The following ENTHD1 variants were observed in gnomAD, a reference collection of about 807,000 sequenced individuals.
ENTHD1 encodes ENTH domain containing 1, also known as ENTH domain-containing protein 1.
Under a neutral mutation model 39.1 loss-of-function variants are expected in ENTHD1, and 23 were observed. The ratio of observed to expected loss-of-function variants is 0.59; its 90% CI spans 0.42 to 0.83. The LOEUF is 0.83. Among genes scored for constraint, ENTHD1 ranks in the 40% least tolerant of loss-of-function variants. The probability of loss-of-function intolerance (pLI) is 0.00; values close to 1 mark genes in which losing one functional copy is unlikely to be tolerated. For synonymous variants in ENTHD1, 230 were observed against 258.2 expected (o/e 0.89, Z 1.05); for missense variants, 624 against 705.4 (o/e 0.88, Z 1.31).
At chr22:39,872,470 A>G (rs551701510) in intron 2 of ENTHD1, among the ~76,000 whole-genome samples, 2 of 152,232 alleles carry the variant, frequency 1.3e-5, no homozygotes, top group South Asian at 2.1e-4. Context: ...CTCTCTTTCT[A>G]TGAGAATCTA....
intron 6 of ENTHD1, among the ~76,000 whole-genome samples, chr22:39,753,799 C>CA (rs2065164592): frequency 6.6e-6 from 1 of 152,178 alleles, no homozygotes; most frequent in African/African-American, 2.4e-5. Context: ...TCACTCAGTA[C>CA]TGCCCTCCTC....
At chr22:39,779,159 A>G (rs962858777) in intron 5 of ENTHD1, among the ~76,000 whole-genome samples, 18 of 151,914 alleles carry the variant, frequency 1.2e-4, no homozygotes, top group African/African-American at 2.7e-4. Flanking sequence ...TCTACTAAAA[A>G]CACAAAAATT....
At chr22:39,760,643 T>G (rs950341867) in intron 6 of ENTHD1, among the ~76,000 whole-genome samples, 3 of 152,070 alleles carry the variant, frequency 2.0e-5, no homozygotes, top group Non-Finnish European at 4.4e-5. Context: ...ATGCTTGGAT[T>G]TAGGTCTTCT....
intron 5 of ENTHD1, among the ~76,000 whole-genome samples, chr22:39,790,748 G>A (rs2065497420): frequency 6.6e-6 from 1 of 152,184 alleles, no homozygotes; most frequent in Non-Finnish European, 1.5e-5. Flanking sequence ...AGTTCTTGGT[G>A]TCTCCAATTC....
chr22:39,850,937 T>C, intron 3 of ENTHD1, among the ~76,000 whole-genome samples: 1 of 152,216 alleles, frequency 6.6e-6, no homozygotes, highest in East Asian at 1.9e-4. Flanking sequence ...GTTTACCATT[T>C]ATTCATTATT....
intron 2 of ENTHD1, among the ~76,000 whole-genome samples, chr22:39,865,017 A>G (rs1313852925): frequency 6.6e-6 from 1 of 152,240 alleles, no homozygotes; most frequent in Non-Finnish European, 1.5e-5. Context: ...AAGTCAATTT[A>G]CAACTTAGCT....
chr22:39,818,972 C>T (rs2065755932), intron 5 of ENTHD1, among the ~76,000 whole-genome samples: 1 of 152,210 alleles, frequency 6.6e-6, no homozygotes, highest in African/African-American at 2.4e-5. Context: ...AGATATCCTT[C>T]AGTAGGTGAA....
At chr22:39,747,145 G>A (rs1378579729) in intron 6 of ENTHD1, among the ~76,000 whole-genome samples, 2 of 152,016 alleles carry the variant, frequency 1.3e-5, no homozygotes, top group Non-Finnish European at 2.9e-5. Flanking sequence ...GGCCACCAAT[G>A]CCTGGCTCTT....
chr22:39,769,363 A>G (rs932421132), intron 5 of ENTHD1, among the ~76,000 whole-genome samples: 2 of 152,234 alleles, frequency 1.3e-5, no homozygotes, highest in Admixed American at 1.3e-4. Context: ...GACAAAAGTC[A>G]ATAAAGAGTA....
chr22:39,851,467 C>G (rs1022195016), intron 3 of ENTHD1, among the ~76,000 whole-genome samples: 1 of 152,166 alleles, frequency 6.6e-6, no homozygotes, highest in Non-Finnish European at 1.5e-5. Context: ...AATATCTACA[C>G]TCTTTGGGGG....
chr22:39,812,002 A>T (rs2065690926), intron 5 of ENTHD1, among the ~76,000 whole-genome samples: 1 of 25,560 alleles, frequency 3.9e-5, no homozygotes, highest in Non-Finnish European at 7.0e-5. Context: ...ACAAAAACAA[A>T]CAAACAAACA....
chr22:39,840,451 C>T lies in ENTHD1; in HGVS notation c.593-4493G>A, dbSNP rs147055793. 3.3e-5 allele frequency among the ~76,000 whole-genome samples: 5 copies of T among 152,246 alleles called. No homozygotes were observed. In the East Asian group the frequency reaches 7.7e-4, roughly 24 times the overall value. On this transcript the variant is annotated intron_variant, in intron 3 of 6. Coordinates refer to ENST00000325157, the MANE Select transcript of ENTHD1 (RefSeq NM_152512.4). ...CAAATTATCAGGCATTAGCAATGCA[C>T]CATACATTTTGGAAATGCAACGCTC...
chr22:39,809,239 G>C (rs993962601), intron 5 of ENTHD1, among the ~76,000 whole-genome samples: 8 of 152,214 alleles, frequency 5.3e-5, no homozygotes, highest in African/African-American at 1.9e-4. Flanking sequence ...GCCAAAGTCA[G>C]TGCTGTGCTA....
intron 5 of ENTHD1, among the ~76,000 whole-genome samples, chr22:39,795,344 C>T (rs1222273513): frequency 6.6e-6 from 1 of 151,888 alleles, no homozygotes; most frequent in Non-Finnish European, 1.5e-5. Flanking sequence ...GGCGTTAGTT[C>T]TTCATAAGTT....
chr22:39,759,549 GC>G (rs1569128204), intron 6 of ENTHD1, among the ~76,000 whole-genome samples: 1 of 151,870 alleles, frequency 6.6e-6, no homozygotes. Context: ...TTTTTAAAGA[GC>G]CACCTTTAAT....
At chr22:39,851,583 G>T (rs2066040255) in intron 3 of ENTHD1, among the ~76,000 whole-genome samples, 1 of 152,134 alleles carries the variant, frequency 6.6e-6, no homozygotes, top group Non-Finnish European at 1.5e-5. Flanking sequence ...CTTAACTTAT[G>T]AAATGAGTAC....
At chr22:39,794,631 T>C (rs28794307) in intron 5 of ENTHD1, among the ~76,000 whole-genome samples, 4,944 of 151,920 alleles carry the variant, frequency 0.033, 263 homozygotes, top group African/African-American at 0.11. Context: ...TGAAACCCCG[T>C]CTCTACTAAA....
intron 6 of ENTHD1, among the ~76,000 whole-genome samples, chr22:39,745,195 C>T (rs1045758618): frequency 1.8e-4 from 27 of 152,122 alleles, no homozygotes; most frequent in African/African-American, 6.3e-4. Context: ...AAACATGGAA[C>T]TTTTTTCTCT....
chr22:39,775,636 C>T (rs752294791), intron 5 of ENTHD1, among the ~76,000 whole-genome samples: 6 of 152,086 alleles, frequency 3.9e-5, no homozygotes, highest in African/African-American at 4.8e-5. Flanking sequence ...ATGTTCATAA[C>T]GTAAAGAGAC....
Sources: gnomAD v4.1 joint callset for allele counts (sites outside exome capture counted in the v4.1 genomes callset) on GRCh38, gnomAD v4.1.1 for gene constraint, MANE v1.5 for transcripts, NCBI Gene and HGNC (gene_info 2026-07-23, HGNC 2026-07-21) for gene names.